Variants in GANC observed in about 807,000 individuals in gnomAD.
GANC encodes the protein glucosidase alpha, neutral C, also known as neutral alpha-glucosidase C.
A neutral mutation model predicts 124.2 loss-of-function variants in GANC; 117 were observed. The observed-to-expected ratio is 0.94, with a 90% confidence interval of 0.81 to 1.10. The LOEUF is 1.10. GANC is among the 50% of genes least tolerant of loss of function. GANC has a pLI of 0.00. For missense variants in GANC, 1,140 were observed against 1,095.0 expected (o/e 1.04, Z -0.58); for synonymous variants, 377 against 376.8 (o/e 1.00, Z -0.01).
intron 15 of GANC, among the ~76,000 whole-genome samples, chr15:42,331,873 A>G (rs1174513287): frequency 6.6e-6 from 1 of 152,098 alleles, no homozygotes; most frequent in Non-Finnish European, 1.5e-5. Flanking sequence ...AATGTTTTTG[A>G]TATGATAAAT....
At chr15:42,350,746 G>T (rs1038477154) in intron 22 of GANC, among the ~76,000 whole-genome samples, 1 of 151,174 alleles carries the variant, frequency 6.6e-6, no homozygotes, top group South Asian at 2.1e-4. Flanking sequence ...AGTAGAGACG[G>T]GGTTTCGTCA....
intron 19 of GANC, 184 bp downstream of exon 19, chr15:42,343,338 G>T (rs1003027798): frequency 1.6e-4 from 94 of 571,344 alleles, no homozygotes; most frequent in Non-Finnish European, 2.5e-4. Context: ...AGGAGAGGAG[G>T]GAGAAAGATG....
At chr15:42,296,544 C>T (rs1025073992) in intron 5 of GANC, among the ~76,000 whole-genome samples, 3 of 152,118 alleles carry the variant, frequency 2.0e-5, no homozygotes, top group African/African-American at 4.8e-5. Flanking sequence ...AGGTGCCCAC[C>T]ACCACGTCCA....
chr15:42,323,973 C>T (rs2052180678), intron 11 of GANC, among the ~76,000 whole-genome samples: 1 of 151,996 alleles, frequency 6.6e-6, no homozygotes, highest in Non-Finnish European at 1.5e-5. Context: ...GAGGATCTGA[C>T]CAGAAAGGTT....
intron 15 of GANC, among the ~76,000 whole-genome samples, chr15:42,332,320 T>A: frequency 6.6e-6 from 1 of 152,184 alleles, no homozygotes. Context: ...AAGTATCATT[T>A]TTAATCACAA....
Position 42,339,897 on chromosome 15 carries a change from C to T in GANC, c.2072C>T (p.Ser691Phe). The T allele has an allele frequency of 6.2e-7, 1 of 1,613,778 alleles. No homozygotes were observed. Among genetic ancestry groups the T allele is most frequent in the East Asian group, 2.2e-5 (1 of 44,874 alleles). Residue 691 changes from serine (S) to phenylalanine (F), a missense_variant, in exon 17 of 24, where the codon TCC (serine) becomes TTC (phenylalanine). Transcript: ENST00000318010. ...YSLFYHAHVASQPVMRPLWVE... is the reference protein window; with the variant it reads ...YSLFYHAHVAFQPVMRPLWVE... ...CTGTTCTACCATGCACACGTGGCTT[C>T]CCAACCTGTCATGAGGTAAAAAAGC...
intron 7 of GANC, among the ~76,000 whole-genome samples, chr15:42,307,673 T>C (rs2052011424): frequency 6.6e-6 from 1 of 152,218 alleles, no homozygotes; most frequent in African/African-American, 2.4e-5. Flanking sequence ...ACTTCGTCTT[T>C]GGTTAAAGGA....
At chr15:42,278,094 C>A in intron 2 of GANC, 3 of 333,428 alleles carry the variant, frequency 9.0e-6, no homozygotes, top group Non-Finnish European at 1.3e-5. Flanking sequence ...GCCTGGTAAC[C>A]TTGTTAAACC....
chr15:42,291,605 G>C (rs139263599), intron 4 of GANC, among the ~76,000 whole-genome samples: 1 of 152,230 alleles, frequency 6.6e-6, no homozygotes, highest in East Asian at 1.9e-4. Flanking sequence ...AGATAATGGT[G>C]GGAAATGATG....
chr15:42,289,306 G>A (rs2051820081), intron 4 of GANC, among the ~76,000 whole-genome samples: 1 of 152,172 alleles, frequency 6.6e-6, no homozygotes, highest in Admixed American at 6.6e-5. Context: ...TTAAGGCCAT[G>A]ATTTACTCAT....
intron 6 of GANC, among the ~76,000 whole-genome samples, chr15:42,302,141 G>C (rs1043112271): frequency 3.9e-5 from 6 of 152,214 alleles, no homozygotes; most frequent in African/African-American, 1.4e-4. Context: ...CTGGGACTAA[G>C]CTTCCAGAGG....
chr15:42,287,532 T>C (rs1207212452), intron 3 of GANC, among the ~76,000 whole-genome samples, 159 bp from the exon 4 acceptor site: 1 of 152,162 alleles, frequency 6.6e-6, no homozygotes, highest in Non-Finnish European at 1.5e-5. Context: ...AGCAAGTACA[T>C]ACATAAACTG....
At chr15:42,309,894 C>T (rs112782733) in intron 8 of GANC, among the ~76,000 whole-genome samples, 1,624 of 152,170 alleles carry the variant, frequency 0.011, 26 homozygotes, top group African/African-American at 0.036. Context: ...GTGGCACGCA[C>T]CTGTATTCCC....
At chr15:42,300,332 G>A (rs528650889) in intron 6 of GANC, among the ~76,000 whole-genome samples, 10 of 152,186 alleles carry the variant, frequency 6.6e-5, no homozygotes, top group Non-Finnish European at 1.3e-4. Context: ...ACATTTATGT[G>A]GCCAACAAAC....
intron 10 of GANC, among the ~76,000 whole-genome samples, chr15:42,315,523 G>A (rs4924666): frequency 0.91 from 138,529 of 152,264 alleles, 64,373 homozygotes; most frequent in Non-Finnish European, 1. Flanking sequence ...AGAGAAATTG[G>A]AACATTGCTG....
In GANC at chr15:42,327,444, T is replaced by A. The variant is rs1231699260; in HGVS notation, c.1500+2T>A. 1 of 1,609,980 alleles carries A rather than the reference T, an allele frequency of 6.2e-7. No individual in the cohort carries two copies. Among genetic ancestry groups the A allele is most frequent in the African/African-American group, 1.3e-5 (1 of 74,840 alleles). On this transcript the variant is annotated splice_donor_variant, in intron 13 of 23. Transcript: ENST00000318010. LOFTEE classifies it high-confidence loss of function. ...CTTTTTGCTTTCCCTGTTTATCAGG[T>A]TGGTTTTTATTCCTTTGTTCTTTTC...
At chr15:42,288,934 A>AG (rs2051817455) in intron 4 of GANC, among the ~76,000 whole-genome samples, 1 of 152,158 alleles carries the variant, frequency 6.6e-6, no homozygotes, top group Admixed American at 6.5e-5. Context: ...ACTATCCTGA[A>AG]GGATAGTACA....
intron 6 of GANC, among the ~76,000 whole-genome samples, chr15:42,302,512 T>G (rs1324892240): frequency 6.6e-6 from 1 of 152,006 alleles, no homozygotes; most frequent in Non-Finnish European, 1.5e-5. Flanking sequence ...TTTGACAAAT[T>G]GACAGAAAGT....
chr15:42,330,277 C>T (rs1000451750), intron 14 of GANC, among the ~76,000 whole-genome samples: 2 of 152,082 alleles, frequency 1.3e-5, no homozygotes, highest in Non-Finnish European at 2.9e-5. Context: ...GAGGTTGTTA[C>T]GGAGATTATA....
Sources: gnomAD v4.1 joint callset for allele counts (sites outside exome capture counted in the v4.1 genomes callset) on GRCh38, gnomAD v4.1.1 for gene constraint, MANE v1.5 for transcripts, NCBI Gene and HGNC (gene_info 2026-07-23, HGNC 2026-07-21) for gene names.